Variants in FCHO2 observed in about 807,000 individuals in gnomAD.
The protein encoded by FCHO2 is F-BAR domain only protein 2.
A neutral mutation model predicts 114.1 loss-of-function variants in FCHO2; 43 were observed. The ratio of observed to expected loss-of-function variants is 0.38; its 90% CI spans 0.30 to 0.49. The LOEUF is 0.49. FCHO2 is among the 20% of genes least tolerant of loss of function. The pLI, the probability that FCHO2 is intolerant of heterozygous loss-of-function variation, is 0.97. For synonymous variants in FCHO2, 293 were observed against 315.2 expected (o/e 0.93, Z 0.75); for missense variants, 807 against 950.4 (o/e 0.85, Z 1.98).
At chr5:73,007,737 G>T (rs186379606) in intron 6 of FCHO2, among the ~76,000 whole-genome samples, 61 of 152,296 alleles carry the variant, frequency 4.0e-4, no homozygotes, top group African/African-American at 1.4e-3. Context: ...GCTTGAGATG[G>T]TGTTTACAGT....
intron 2 of FCHO2, among the ~76,000 whole-genome samples, chr5:72,987,267 G>T (rs1455539863): frequency 6.6e-6 from 1 of 152,048 alleles, no homozygotes; most frequent in Non-Finnish European, 1.5e-5. Context: ...TCTGCTTTTG[G>T]CATCATGTTG....
intron 19 of FCHO2, among the ~76,000 whole-genome samples, chr5:73,069,278 G>T (rs1487797204): frequency 5.9e-5 from 9 of 152,062 alleles, no homozygotes; most frequent in Non-Finnish European, 1.3e-4. Context: ...TTTTTCCATG[G>T]ACTGGGGTCA....
rs551081560 is a variant in FCHO2 at position 72,995,279 on chromosome 5, A to C, written c.495+4415A>C. 3.4e-3 allele frequency among the ~76,000 whole-genome samples: 517 copies of C among 150,708 alleles called. 2 individuals carry two copies. The highest frequency in any genetic ancestry group is 0.012 in the African/African-American group (490 of 41,086). ...GGGTAATTTTTTTTTTTTTTGAGAC[A>C]GAGTCTCACTCTGTTACCCAGGCTA... On this transcript the variant is annotated intron_variant, in intron 5 of 25. Coordinates refer to ENST00000430046, the MANE Select transcript of FCHO2 (RefSeq NM_138782.3).
At chr5:72,978,299 A>G (rs62360751) in intron 2 of FCHO2, among the ~76,000 whole-genome samples, 14,609 of 152,240 alleles carry the variant, frequency 0.096, 958 homozygotes, top group Non-Finnish European at 0.15. Context: ...AGTGGTTCAT[A>G]GTTCTCCTTG....
At chr5:73,086,566 C>G in intron 24 of FCHO2, among the ~76,000 whole-genome samples, 1 of 152,226 alleles carries the variant, frequency 6.6e-6, no homozygotes, top group East Asian at 1.9e-4. Flanking sequence ...TTTCAAATAA[C>G]TTTCTTAATA....
intron 2 of FCHO2, among the ~76,000 whole-genome samples, chr5:72,979,793 C>A (rs927890728): frequency 7.2e-5 from 11 of 151,982 alleles, no homozygotes; most frequent in Admixed American, 5.9e-4. Context: ...TGGTGATATC[C>A]CCTTTATCAT....
intron 24 of FCHO2, among the ~76,000 whole-genome samples, chr5:73,084,456 GGGTTTCGCCATGTTGGCCAGGCT>G (rs1743226053): frequency 6.6e-6 from 1 of 152,074 alleles, no homozygotes; most frequent in South Asian, 2.1e-4. Flanking sequence ...AGTAGAGACA[GGGTTTCGCCATGTTGGCCAGGCT>G]GGTCTTGAAC....
chr5:73,069,568 G>A (rs1028933287), intron 19 of FCHO2, among the ~76,000 whole-genome samples: 1 of 151,998 alleles, frequency 6.6e-6, no homozygotes, highest in Non-Finnish European at 1.5e-5. Flanking sequence ...AGAGTCTAAT[G>A]CCGCTGCTGA....
intron 5 of FCHO2, chr5:72,997,541 GAC>G: frequency 1.5e-6 from 2 of 1,340,400 alleles, no homozygotes; most frequent in Middle Eastern, 4.0e-4. Flanking sequence ...TGACCCCAGT[GAC>G]ACAACCCTTC....
chr5:73,051,288 A>C (rs1451629370), intron 11 of FCHO2, 61 bp from the exon 12 acceptor site: 11 of 1,155,514 alleles, frequency 9.5e-6, no homozygotes, highest in Non-Finnish European at 1.4e-5. Flanking sequence ...CTACTTTGAT[A>C]ATCTCTAATA....
In FCHO2 at chr5:72,956,178, G is replaced by A. The variant is rs1381353785; in HGVS notation, c.33+49G>A. 3 of 1,522,108 alleles carry A rather than the reference G, an allele frequency of 2.0e-6. No homozygotes were observed. In the African/African-American group the frequency reaches 4.3e-5, roughly 22 times the overall value. The allele number at this position is 1,522,108 out of a possible 1,614,324, so 94.3% of individuals were successfully genotyped here. A position where few individuals can be genotyped will look rare whatever the true frequency, so the allele number is the denominator to read the frequency against. ...GTGTGTTTCGAAGTCCAAGGCTTTT[G>A]GCGCCTGAGCTTGGCCTGCGTGCGC... is the stretch of plus-strand genomic sequence containing the variant. On this transcript the variant is annotated intron_variant, in intron 1 of 25. Transcript: ENST00000430046.
At chr5:72,969,853 C>T (rs1012774474) in intron 2 of FCHO2, among the ~76,000 whole-genome samples, 2 of 152,154 alleles carry the variant, frequency 1.3e-5, no homozygotes, top group African/African-American at 4.8e-5. Flanking sequence ...AGAATATAAA[C>T]CCAACAAGGG....
chr5:72,963,409 T>G (rs1751983297), intron 1 of FCHO2, among the ~76,000 whole-genome samples: 1 of 152,194 alleles, frequency 6.6e-6, no homozygotes, highest in Admixed American at 6.5e-5. Context: ...CCTTATAATT[T>G]TCTTTAGAAA....
intron 19 of FCHO2, among the ~76,000 whole-genome samples, chr5:73,072,545 A>G (rs910991568): frequency 2.0e-5 from 3 of 152,136 alleles, no homozygotes; most frequent in Admixed American, 6.6e-5. Context: ...AATGTGGTAT[A>G]TGCATACAAT....
At chr5:73,024,127 A>G (rs886996269) in intron 8 of FCHO2, among the ~76,000 whole-genome samples, 1 of 151,904 alleles carries the variant, frequency 6.6e-6, no homozygotes, top group East Asian at 1.9e-4. Context: ...TGATGCAATC[A>G]TAGCTCACTG....
chr5:73,057,782 G>A (rs959213963), intron 16 of FCHO2, among the ~76,000 whole-genome samples: 18 of 152,188 alleles, frequency 1.2e-4, no homozygotes, highest in Admixed American at 2.6e-4. Flanking sequence ...TCATTTAGAC[G>A]TGTGCTGCTC....
At chr5:73,087,892 G>A in intron 25 of FCHO2, 139 bp downstream of exon 25, 1 of 1,367,534 alleles carries the variant, frequency 7.3e-7, no homozygotes, top group Non-Finnish European at 1.0e-6. Flanking sequence ...GTGCCAGGTA[G>A]AGACACACCT....
At chr5:73,014,424 G>A (rs1306878171) in intron 6 of FCHO2, among the ~76,000 whole-genome samples, 1 of 151,580 alleles carries the variant, frequency 6.6e-6, no homozygotes, top group Non-Finnish European at 1.5e-5. Context: ...AAGTAGCTGG[G>A]ATTACAGGCA....
intron 3 of FCHO2, among the ~76,000 whole-genome samples, chr5:72,989,789 A>G (rs1177974837): frequency 2.0e-5 from 3 of 152,122 alleles, no homozygotes; most frequent in Non-Finnish European, 4.4e-5. Flanking sequence ...CAATGTATTT[A>G]TTCTAGTTGT....
Sources: gnomAD v4.1 joint callset for allele counts (sites outside exome capture counted in the v4.1 genomes callset) on GRCh38, gnomAD v4.1.1 for gene constraint, MANE v1.5 for transcripts, NCBI Gene and HGNC (gene_info 2026-07-23, HGNC 2026-07-21) for gene names.